Variants in TBCA observed in about 807,000 individuals in gnomAD.
The protein encoded by TBCA is tubulin folding cofactor A, also known as tubulin-specific chaperone A.
In TBCA, 6 loss-of-function variants were observed where a neutral mutation model predicts 15.8. That is an observed-to-expected ratio of 0.38 (90% CI 0.21 to 0.75). TBCA has a LOEUF of 0.75. TBCA is among the 30% of genes least tolerant of loss of function. The pLI is 0.46. For synonymous variants in TBCA, 32 were observed against 42.3 expected, an observed-to-expected ratio of 0.76 and a Z score of 0.94; for missense variants, 90 against 131.2, an observed-to-expected ratio of 0.69 and a Z score of 1.53.
intron 2 of TBCA, among the ~76,000 whole-genome samples, chr5:77,708,033 A>G (rs550884647): frequency 3.9e-5 from 6 of 152,148 alleles, no homozygotes; most frequent in Non-Finnish European, 7.4e-5. Context: ...AAACAAAACA[A>G]AACAAAACCT....
intron 1 of TBCA, among the ~76,000 whole-genome samples, chr5:77,724,220 T>C (rs566249939): frequency 1.2e-4 from 19 of 152,186 alleles, no homozygotes; most frequent in Admixed American, 1.3e-4. Flanking sequence ...TAAAGTAAGA[T>C]ATATATCTGT....
rs78192293 is a variant in TBCA, at chr5:77,715,448, G to A, written c.54-7101C>T. The stretch of plus-strand genomic sequence containing the variant: ...AGGATAGAATAGATTCTAAGGAACA[G>A]AGACAATGAGTAATAAGGTAGAAGA... On this transcript the variant is annotated intron_variant, in intron 1 of 3. Coordinates refer to ENST00000380377, the MANE Select transcript of TBCA (RefSeq NM_004607.3). 830 of 533,032 alleles carry A rather than the reference G, an allele frequency of 1.6e-3. 6 individuals are homozygous for A. Among genetic ancestry groups the A allele is most frequent in the African/African-American group, 0.012 (653 of 53,356 alleles). The allele number at this position is 533,032 out of a possible 1,614,324, so 33.0% of individuals were successfully genotyped here.
intron 1 of TBCA, among the ~76,000 whole-genome samples, chr5:77,774,194 G>A (rs1747971216): frequency 1.3e-5 from 2 of 152,218 alleles, no homozygotes; most frequent in South Asian, 4.2e-4. Flanking sequence ...CTCTAGTATG[G>A]CATCACAGGA....
At chr5:77,732,378 C>T (rs1359842141) in intron 1 of TBCA, among the ~76,000 whole-genome samples, 3 of 150,812 alleles carry the variant, frequency 2.0e-5, no homozygotes, top group Admixed American at 1.3e-4. Context: ...AAGGTTTGAC[C>T]ATCTCTACTA....
At chr5:77,745,259 T>C (rs1391040643) in intron 1 of TBCA, among the ~76,000 whole-genome samples, 1 of 152,216 alleles carries the variant, frequency 6.6e-6, no homozygotes, top group Non-Finnish European at 1.5e-5. Context: ...AAAAGTGATA[T>C]TACCTTACTT....
intron 1 of TBCA, among the ~76,000 whole-genome samples, chr5:77,759,641 G>T (rs1004595417): frequency 6.6e-6 from 1 of 152,136 alleles, no homozygotes; most frequent in African/African-American, 2.4e-5. Context: ...TAAAGACTCA[G>T]TTATGCTGCA....
intron 1 of TBCA, among the ~76,000 whole-genome samples, chr5:77,727,239 GA>G (rs35477479): frequency 1.3e-3 from 107 of 81,020 alleles, no homozygotes; most frequent in South Asian, 9.6e-3. Flanking sequence ...TCTGTCTCAG[GA>G]AAAAAAAAAA....
At chr5:77,738,324 C>T (rs187135697) in intron 1 of TBCA, among the ~76,000 whole-genome samples, 1 of 152,310 alleles carries the variant, frequency 6.6e-6, no homozygotes, top group East Asian at 1.9e-4. Flanking sequence ...ATTAACTTGC[C>T]TATGTTCAAG....
intron 1 of TBCA, among the ~76,000 whole-genome samples, chr5:77,710,053 G>A (rs1376137665): frequency 6.6e-6 from 1 of 152,166 alleles, no homozygotes; most frequent in Non-Finnish European, 1.5e-5. Context: ...GTTTCTTTTG[G>A]GGGTAAGAAA....
At chr5:77,732,550 CAAAAAAAAAAAA>C (rs35780694) in intron 1 of TBCA, among the ~76,000 whole-genome samples, 3 of 89,490 alleles carry the variant, frequency 3.4e-5, no homozygotes, top group Non-Finnish European at 4.6e-5. Flanking sequence ...GACTCTGTCT[CAAAAAAAAAAAA>C]AAAAAAAAAA....
chr5:77,739,236 G>A (rs1418878563), intron 1 of TBCA, among the ~76,000 whole-genome samples: 5 of 152,036 alleles, frequency 3.3e-5, no homozygotes, highest in South Asian at 2.1e-4. Flanking sequence ...TGAGGCAGGC[G>A]GATCACCTGA....
intron 1 of TBCA, among the ~76,000 whole-genome samples, chr5:77,732,586 T>A (rs1746800036): frequency 6.6e-6 from 1 of 150,672 alleles, no homozygotes. Context: ...AATTGAAGGT[T>A]TGTGGTAATC....
rs991677293 is a variant in TBCA, at chr5:77,700,154, G to A, written c.160-6802C>T. ...CAGGAGGCAGAGGTTGCAGTGAGCC[G>A]CGATCTCCTCACTGCACTCCAGCCT... On this transcript the variant is annotated intron_variant, in intron 2 of 3. Coordinates refer to ENST00000380377, the MANE Select transcript of TBCA (RefSeq NM_004607.3). Among the ~76,000 whole-genome samples, 9 of 151,738 alleles carry A rather than the reference G, an allele frequency of 5.9e-5. No homozygotes were observed. In the East Asian group the frequency reaches 1.5e-3, roughly 26 times the overall value.
At chr5:77,696,388 T>C (rs1394043726) in intron 2 of TBCA, among the ~76,000 whole-genome samples, 2 of 152,186 alleles carry the variant, frequency 1.3e-5, no homozygotes, top group African/African-American at 4.8e-5. Flanking sequence ...TTTGTGGTTA[T>C]TGCTAAATGA....
At chr5:77,711,852 G>A (rs151191756) in intron 1 of TBCA, among the ~76,000 whole-genome samples, 6 of 152,084 alleles carry the variant, frequency 3.9e-5, no homozygotes, top group Non-Finnish European at 8.8e-5. Context: ...AAGGTGCTGC[G>A]TATTTGCATG....
In TBCA at chr5:77,773,758, G is replaced by A. The variant is rs188640066; in HGVS notation, c.53+2447C>T. Among the ~76,000 whole-genome samples, 6 of 152,224 alleles carry A rather than the reference G, an allele frequency of 3.9e-5. No homozygotes were observed. The East Asian group carries it at 1.2e-3, about 29-fold the overall frequency. ...CCTTTTGCCTGGTCCTTCCTCTGGTGGAAATATCAATAAACAAAGGAAAGG... is the reference window on the plus strand; with the variant it reads ...CCTTTTGCCTGGTCCTTCCTCTGGTAGAAATATCAATAAACAAAGGAAAGG... On this transcript the variant is annotated intron_variant, in intron 1 of 3. Coordinates refer to ENST00000380377, the MANE Select transcript of TBCA (RefSeq NM_004607.3).
intron 1 of TBCA, chr5:77,715,356 T>C (rs926450464): frequency 8.7e-6 from 6 of 687,842 alleles, no homozygotes; most frequent in African/African-American, 5.4e-5. Flanking sequence ...CACTGTGCTA[T>C]AGGCCTGAAA....
At chr5:77,737,603 G>A (rs1437938177) in intron 1 of TBCA, among the ~76,000 whole-genome samples, 3 of 152,104 alleles carry the variant, frequency 2.0e-5, no homozygotes, top group African/African-American at 4.8e-5. Context: ...ATAAAATGAG[G>A]AGGTTTGACT....
intron 2 of TBCA, among the ~76,000 whole-genome samples, chr5:77,706,152 G>A (rs767079730): frequency 1.3e-5 from 2 of 152,170 alleles, no homozygotes; most frequent in Non-Finnish European, 2.9e-5. Context: ...CCTGAGTTAA[G>A]TGTGATTACC....
Sources: allele counts gnomAD v4.1 joint callset (sites outside exome capture counted in the v4.1 genomes callset), GRCh38; gene constraint gnomAD v4.1.1; transcripts MANE v1.5; gene names NCBI Gene and HGNC (gene_info 2026-07-23, HGNC 2026-07-21).